Variants in LAMB4 observed in about 807,000 individuals in gnomAD.
LAMB4 encodes the protein laminin subunit beta 4, also known as laminin subunit beta-4.
Under a neutral mutation model 199.2 loss-of-function variants are expected in LAMB4, and 196 were observed. The observed-to-expected ratio is 0.98, with a 90% CI of 0.88 to 1.11. The LOEUF (loss-of-function observed/expected upper bound fraction) is 1.11. Ranked by LOEUF, LAMB4 falls within the 50% of genes least tolerant of loss-of-function variation. The pLI is 0.00. For missense variants in LAMB4, 2,080 were observed against 2,171.2 expected (o/e 0.96, Z 0.83); for synonymous variants, 744 against 770.6 (o/e 0.97, Z 0.57).
At chr7:108,039,151 T>C (rs180937568) in intron 29 of LAMB4, among the ~76,000 whole-genome samples, 1 of 152,200 alleles carries the variant, frequency 6.6e-6, no homozygotes, top group East Asian at 1.9e-4. Context: ...AGTGCATGGA[T>C]CACTCTTGGC....
chr7:108,116,302 G>C (rs1410990683), intron 2 of LAMB4, 141 bp from the exon 3 acceptor site: 2 of 772,050 alleles, frequency 2.6e-6, no homozygotes, highest in Admixed American at 6.6e-5. Context: ...TTTATTAATA[G>C]ATGACAAATG....
At chr7:108,018,135 G>A in the LAMB4 span, among the ~76,000 whole-genome samples, 1 of 152,240 alleles carries the variant, frequency 6.6e-6, no homozygotes, top group Non-Finnish European at 1.5e-5. Context: ...AAAGTCACAG[G>A]CACCTAAGGA....
chr7:108,034,917 A>G (rs1006360021), intron 30 of LAMB4, among the ~76,000 whole-genome samples: 1 of 152,198 alleles, frequency 6.6e-6, no homozygotes, highest in Non-Finnish European at 1.5e-5. Context: ...ATCACCAAAT[A>G]CTTAGATCTG....
In LAMB4 at chr7:108,078,302, C is replaced by T; in HGVS notation, c.1902G>A (p.Trp634Ter). 6.2e-7 allele frequency: 1 copy of T among 1,603,764 alleles called. No individual in the cohort carries two copies. Among genetic ancestry groups the T allele is most frequent in the Non-Finnish European group, 8.5e-7 (1 of 1,173,726 alleles). ...IHYETQSAAD[W>*]TVQIVVNPPG... ...GGGGGTTCACCACAATCTGGACAGT[C>T]CAGTCAGCTGCAGACTAGACAGGCA... is the stretch of plus-strand genomic sequence containing the variant. Residue 634 changes from tryptophan to a stop codon, truncating the protein, a stop_gained, in exon 16 of 34, where the codon TGG becomes TGA. Coordinates refer to ENST00000388781, the MANE Select transcript of LAMB4 (RefSeq NM_007356.3). LOFTEE classifies it high-confidence loss of function.
chr7:108,059,448 C>T (rs2036090020), intron 23 of LAMB4, among the ~76,000 whole-genome samples: 1 of 152,102 alleles, frequency 6.6e-6, no homozygotes, highest in Non-Finnish European at 1.5e-5. Flanking sequence ...TTTCTTCAGG[C>T]CCATCACCTC....
At chr7:108,089,157 G>A (rs2150603965) in intron 14 of LAMB4, among the ~76,000 whole-genome samples, 1 of 152,238 alleles carries the variant, frequency 6.6e-6, no homozygotes, top group South Asian at 2.1e-4. Context: ...CCCCCTGTAT[G>A]TAAGTTCCCT....
rs533002588 is a variant in LAMB4 at position 108,127,707 on chromosome 7, T to C, written c.-34+2599A>G. Among the ~76,000 whole-genome samples, 77 of 152,238 alleles carry C rather than the reference T, an allele frequency of 5.1e-4. 1 individual carries two copies. Among genetic ancestry groups the C allele is most frequent in the African/African-American group, 1.9e-3 (77 of 41,564 alleles). On this transcript the variant is annotated intron_variant, in intron 1 of 33. Transcript: ENST00000388781. ...GGGCCCAGCATGCTGCCACGTGCCC[T>C]CCAGGTGAGTCTGATGAACGCTCAA...
Position 108,111,847 on chromosome 7 carries a change from G to C in LAMB4, c.292C>G (p.Pro98Ala). 1 of 1,611,982 alleles carries C rather than the reference G, an allele frequency of 6.2e-7. No homozygotes were observed. ...TIENVIVSFE[P>A]DREKKWWQSE... ...TGCCACCATTTCTTTTCTCTGTCTGGTTCAAAACTTACAATGACATTCTCA... is the reference window on the plus strand; with the variant it reads ...TGCCACCATTTCTTTTCTCTGTCTGCTTCAAAACTTACAATGACATTCTCA... The change falls in exon 4 of 34, where the codon CCA (proline) becomes GCA (alanine). Residue 98 changes from proline to alanine, a missense_variant. Pro to Ala is a conservative substitution (Grantham distance 27). Transcript: ENST00000388781.
intron 11 of LAMB4, among the ~76,000 whole-genome samples, chr7:108,098,144 C>T (rs897580365): frequency 6.6e-6 from 1 of 152,016 alleles, no homozygotes; most frequent in Admixed American, 6.6e-5. Context: ...ACCAGCCTGG[C>T]CAACATGGTG....
rs766753573 is a variant in LAMB4, at chr7:108,043,887, T to C, written c.4336A>G (p.Ile1446Val). The C allele has an allele frequency of 9.4e-6, 15 of 1,599,494 alleles. No individual in the cohort carries two copies. The South Asian group carries it at 1.3e-4, about 13-fold the overall frequency. ...TTGGAGACTTCTGCCTGTTCACTTA[T>C]ACTTTCGATCTGGAATGAGAAAAAC... ...VRGLKNQIES[I>V]SEQAEVSKNN... is the part of the protein sequence containing the mutation. Residue 1446 changes from isoleucine to valine, a missense_variant, in exon 29 of 34, where the codon ATA becomes GTA. Transcript: ENST00000388781.
intron 4 of LAMB4, among the ~76,000 whole-genome samples, chr7:108,110,193 T>A (rs1737586641): frequency 6.6e-6 from 1 of 152,112 alleles, no homozygotes; most frequent in African/African-American, 2.4e-5. Flanking sequence ...CATGCCTGGC[T>A]AATTTTTGTA....
chr7:108,092,768 G>A (rs564000683), intron 12 of LAMB4, among the ~76,000 whole-genome samples: 1 of 152,244 alleles, frequency 6.6e-6, no homozygotes, highest in South Asian at 2.1e-4. Flanking sequence ...TTGCCTGGGT[G>A]TGGTGCATGC....
At chr7:108,111,676 T>C (rs1045075540) in intron 4 of LAMB4, 135 bp downstream of exon 4, 2 of 675,176 alleles carry the variant, frequency 3.0e-6, no homozygotes, top group Non-Finnish European at 4.9e-6. Flanking sequence ...CTTATATGGG[T>C]CTCTACATTC....
intron 1 of LAMB4, among the ~76,000 whole-genome samples, chr7:108,128,128 G>A (rs1021770353): frequency 5.3e-5 from 8 of 152,158 alleles, no homozygotes; most frequent in African/African-American, 1.9e-4. Context: ...GGTGGAGGTT[G>A]TTAGAGGGAG....
intron 31 of LAMB4, among the ~76,000 whole-genome samples, chr7:108,033,735 A>ATTTTTTT (rs556578520): frequency 1.8e-4 from 18 of 102,034 alleles, no homozygotes; most frequent in Non-Finnish European, 3.0e-4. Context: ...TTGGATGAGT[A>ATTTTTTT]TTTTTTTTTT....
intron 14 of LAMB4, among the ~76,000 whole-genome samples, chr7:108,087,909 T>C (rs1459537819): frequency 6.6e-6 from 1 of 152,212 alleles, no homozygotes; most frequent in Non-Finnish European, 1.5e-5. Flanking sequence ...CCATTTCTAT[T>C]CATGAGGGTA....
At chr7:108,024,329 C>T in intron 33 of LAMB4, 151 bp from the exon 34 acceptor site, 1 of 466,814 alleles carries the variant, frequency 2.1e-6, no homozygotes, top group Non-Finnish European at 3.6e-6. Context: ...CTATTTTCAT[C>T]AGGCTTCTCA....
chr7:108,067,929 C>G, intron 19 of LAMB4, 87 bp downstream of exon 19: 1 of 1,519,970 alleles, frequency 6.6e-7, no homozygotes, highest in East Asian at 2.3e-5. Context: ...ATCTCCTTCC[C>G]ATTAAAACCC....
At position 108,023,835 on chromosome 7, in the gene LAMB4, T is replaced by C. The variant is rs1484800735; in HGVS notation, c.*204A>G. 2.7e-6 allele frequency: 1 copy of C among 364,036 alleles called. No homozygotes were observed. The highest frequency in any genetic ancestry group is 4.9e-6 in the Non-Finnish European group (1 of 203,804). The allele number at this position is 364,036 out of a possible 1,614,324, so 22.6% of individuals were successfully genotyped here. A position where few individuals can be genotyped will look rare whatever the true frequency, so the allele number is the denominator to read the frequency against. On this transcript the variant is annotated 3_prime_UTR_variant, in exon 34 of 34. Transcript: ENST00000388781. ...GTTTCTGAAACCAGAGACAATTTCA[T>C]TACTTTCCCCTTTCAATTATGAAGT...
Sources: allele counts gnomAD v4.1 joint callset (sites outside exome capture counted in the v4.1 genomes callset), GRCh38; gene constraint gnomAD v4.1.1; transcripts MANE v1.5; gene names NCBI Gene and HGNC (gene_info 2026-07-23, HGNC 2026-07-21).